The following ARHGEF10L variants were observed in gnomAD, a reference collection of about 807,000 sequenced individuals.
ARHGEF10L encodes rho guanine nucleotide exchange factor 10-like protein.
A neutral mutation model predicts 141.2 loss-of-function variants in ARHGEF10L; 69 were observed. That is an observed-to-expected ratio of 0.49 (90% confidence interval 0.40 to 0.60). ARHGEF10L has a LOEUF of 0.60. Ranked by LOEUF, ARHGEF10L falls within the 20% of genes least tolerant of loss-of-function variation. ARHGEF10L has a pLI of 0.00. For missense variants in ARHGEF10L, 1,482 were observed against 1,734.3 expected, an observed-to-expected ratio of 0.85 and a Z score of 2.58; for synonymous variants, 711 against 718.5, an observed-to-expected ratio of 0.99 and a Z score of 0.17.
intron 1 of ARHGEF10L, among the ~76,000 whole-genome samples, chr1:17,562,063 G>T (rs1286798955): frequency 1.3e-5 from 2 of 152,224 alleles, no homozygotes; most frequent in Admixed American, 6.5e-5. Flanking sequence ...TTGAAGACTT[G>T]TTAGTGCCCA....
At chr1:17,608,313 C>A (rs536930548) in intron 7 of ARHGEF10L, among the ~76,000 whole-genome samples, 1 of 152,190 alleles carries the variant, frequency 6.6e-6, no homozygotes, top group Non-Finnish European at 1.5e-5. Context: ...CTCTCAACGC[C>A]GCACTCCAGG....
chr1:17,553,103 C>T (rs74487358), intron 1 of ARHGEF10L, among the ~76,000 whole-genome samples: 4,882 of 152,266 alleles, frequency 0.032, 267 homozygotes, highest in African/African-American at 0.11. Context: ...TGGGGCAGAC[C>T]CGGGACCAGA....
intron 1 of ARHGEF10L, among the ~76,000 whole-genome samples, chr1:17,554,004 A>G (rs986649750): frequency 6.6e-6 from 1 of 152,168 alleles, no homozygotes; most frequent in Non-Finnish European, 1.5e-5. Context: ...CATGACCTGT[A>G]TATGAAAGCT....
At position 17,627,254 on chromosome 1, in the gene ARHGEF10L, C is replaced by T; in HGVS notation, c.1411-76C>T. ...GACCCAGTGTGTGTAGGGGGTTGCG[C>T]AGGGTGAGGCTTTGCCCCAGGCTGG... is the stretch of plus-strand genomic sequence containing the variant. On this transcript the variant is annotated intron_variant, in intron 14 of 28. Transcript: ENST00000361221. The surrounding 1 kb of genome is among the most constrained non-coding windows in gnomAD (Gnocchi z 4.0). The T allele has an allele frequency of 1.3e-6, 2 of 1,553,986 alleles. No individual in the cohort carries two copies. The highest frequency in any genetic ancestry group is 1.8e-5 in the Admixed American group (1 of 56,846).
chr1:17,599,996 GCCA>G (rs1557786052), intron 4 of ARHGEF10L, among the ~76,000 whole-genome samples: 2 of 152,174 alleles, frequency 1.3e-5, no homozygotes, highest in African/African-American at 4.8e-5. Context: ...GAGCATTCTC[GCCA>G]CCACCACCGC....
intron 22 of ARHGEF10L, 53 bp downstream of exon 22, chr1:17,648,728 C>G (rs1015454396): frequency 2.5e-6 from 4 of 1,592,222 alleles, no homozygotes; most frequent in East Asian, 4.5e-5. Context: ...GCGGCTCCCC[C>G]TCGCCTGGGA....
rs1220841407 is a variant in ARHGEF10L, at chr1:17,621,706, G to A, written c.943-158G>A. ...AGGGCATTTATTTAGGGTTGGCAGG[G>A]GCTCTGGAAGGAAGAGTGGCCACCA... On this transcript the variant is annotated intron_variant, in intron 10 of 28. Transcript: ENST00000361221. The surrounding 1 kb of genome is among the most constrained non-coding windows in gnomAD (Gnocchi z 4.1). 6.6e-6 allele frequency among the ~76,000 whole-genome samples: 1 copy of A among 152,166 alleles called. No homozygotes were observed. The highest frequency in any genetic ancestry group is 2.4e-5 in the African/African-American group (1 of 41,446).
chr1:17,666,401 G>A (rs1275976182), intron 26 of ARHGEF10L, among the ~76,000 whole-genome samples: 1 of 152,138 alleles, frequency 6.6e-6, no homozygotes, highest in Non-Finnish European at 1.5e-5. Context: ...AGTGCCATGT[G>A]CAGGACCAGT....
chr1:17,672,339 A>C (rs1467761067), intron 26 of ARHGEF10L, among the ~76,000 whole-genome samples: 4 of 152,070 alleles, frequency 2.6e-5, no homozygotes, highest in South Asian at 2.1e-4. Context: ...TCTGTCTCCT[A>C]TCTTATTTAT....
At chr1:17,657,715 C>G (rs1204893174) in intron 25 of ARHGEF10L, among the ~76,000 whole-genome samples, 1 of 152,076 alleles carries the variant, frequency 6.6e-6, no homozygotes, top group African/African-American at 2.4e-5. Context: ...GGGAAAAAAC[C>G]CTTCTCACCG....
At chr1:17,532,006 C>T in the ARHGEF10L span, among the ~76,000 whole-genome samples, 1 of 152,138 alleles carries the variant, frequency 6.6e-6, no homozygotes, top group Non-Finnish European at 1.5e-5. Context: ...GCACCCCCCA[C>T]CACCACCCAC....
intron 16 of ARHGEF10L, among the ~76,000 whole-genome samples, chr1:17,633,134 G>C (rs1446442264): frequency 1.3e-5 from 2 of 152,194 alleles, no homozygotes; most frequent in East Asian, 3.9e-4. Flanking sequence ...ACATTCTGGG[G>C]CCTGGCTGCC....
rs2060207864 is a variant in ARHGEF10L at position 17,623,362 on chromosome 1, G to A, written c.1200+187G>A. ...TGTGACACCTTGAAGTGGCCAGGAT[G>A]TCCTTGGATATACCTGGCAGGCCAT... On this transcript the variant is annotated intron_variant, in intron 12 of 28. Coordinates refer to ENST00000361221, the MANE Select transcript of ARHGEF10L (RefSeq NM_018125.4). The surrounding 1 kb of genome is among the most constrained non-coding windows in gnomAD (Gnocchi z 4.7). Among the ~76,000 whole-genome samples, 1 of 152,142 alleles carries A rather than the reference G, an allele frequency of 6.6e-6. No individual in the cohort carries two copies. Among genetic ancestry groups the A allele is most frequent in the Non-Finnish European group, 1.5e-5 (1 of 68,016 alleles).
At chr1:17,559,537 G>C (rs2077467763) in intron 1 of ARHGEF10L, among the ~76,000 whole-genome samples, 1 of 152,186 alleles carries the variant, frequency 6.6e-6, no homozygotes, top group Admixed American at 6.5e-5. Context: ...GGGTCTGATG[G>C]CTCATTCTCT....
At chr1:17,521,502 C>A in the ARHGEF10L span, among the ~76,000 whole-genome samples, 1 of 152,194 alleles carries the variant, frequency 6.6e-6, no homozygotes, top group African/African-American at 2.4e-5. Context: ...TTGGAGGCAG[C>A]CTCTTTCATT....
chr1:17,612,827 C>T (rs1402476425), intron 7 of ARHGEF10L, among the ~76,000 whole-genome samples: 2 of 152,348 alleles, frequency 1.3e-5, no homozygotes, highest in East Asian at 1.9e-4. Context: ...TGCAGAGACC[C>T]GGCCCCCAGC....
At chr1:17,535,531 G>A (rs1403790139), upstream of ARHGEF10L, among the ~76,000 whole-genome samples, 3 of 152,310 alleles carry the variant, frequency 2.0e-5, no homozygotes, top group South Asian at 4.1e-4. Context: ...AGATTGCTGA[G>A]CAATCTTGGA....
At chr1:17,691,596 T>A (rs2065112865) in intron 27 of ARHGEF10L, among the ~76,000 whole-genome samples, 1 of 152,192 alleles carries the variant, frequency 6.6e-6, no homozygotes, top group Admixed American at 6.5e-5. Context: ...TCTTAAGACA[T>A]TAGCGTCCAG....
chr1:17,676,863 T>A (rs1037557193), intron 26 of ARHGEF10L, among the ~76,000 whole-genome samples: 2 of 151,822 alleles, frequency 1.3e-5, no homozygotes, highest in African/African-American at 2.4e-5. Context: ...GTCTTCTGAT[T>A]GGGCAGAATC....
Sources: gnomAD v4.1 joint callset for allele counts (sites outside exome capture counted in the v4.1 genomes callset) on GRCh38, gnomAD v4.1.1 for gene constraint, Gnocchi (gnomAD v3.1) non-coding constraint, MANE v1.5 for transcripts, NCBI Gene and HGNC (gene_info 2026-07-23, HGNC 2026-07-21) for gene names.